Variants in ANTXR1 observed in about 807,000 individuals in gnomAD.
ANTXR1 encodes ANTXR cell adhesion molecule 1.
Under a neutral mutation model 78.1 loss-of-function variants are expected in ANTXR1, and 19 were observed. That is an observed-to-expected ratio of 0.24 (90% CI 0.17 to 0.36). ANTXR1 has a LOEUF of 0.36. Ranked by LOEUF, ANTXR1 falls within the 10% of genes least tolerant of loss-of-function variation. The probability of loss-of-function intolerance (pLI) is 1.00; values close to 1 mark genes in which losing one functional copy is unlikely to be tolerated. For missense variants in ANTXR1, 518 were observed against 718.6 expected (o/e 0.72, Z 3.19); for synonymous variants, 273 against 260.5 (o/e 1.05, Z -0.46).
At chr2:69,105,182 T>G (rs1671764334) in intron 10 of ANTXR1, among the ~76,000 whole-genome samples, 1 of 152,256 alleles carries the variant, frequency 6.6e-6, no homozygotes, top group Non-Finnish European at 1.5e-5. Context: ...AAATTTTATT[T>G]CTTTCTTGGG....
intron 17 of ANTXR1, among the ~76,000 whole-genome samples, chr2:69,234,245 C>G (rs1005240705): frequency 1.3e-5 from 2 of 152,124 alleles, no homozygotes; most frequent in African/African-American, 4.8e-5. Flanking sequence ...AGAAGTGGAA[C>G]AGAGATCTGA....
At chr2:69,103,188 G>A (rs952545835) in intron 10 of ANTXR1, 4 of 520,268 alleles carry the variant, frequency 7.7e-6, no homozygotes, top group East Asian at 3.7e-5. Flanking sequence ...TTGAGTCCCC[G>A]TCCTCCACAA....
At chr2:69,064,400 T>C (rs1670333508) in intron 3 of ANTXR1, among the ~76,000 whole-genome samples, 2 of 152,164 alleles carry the variant, frequency 1.3e-5, no homozygotes. Flanking sequence ...GCTGCAACAG[T>C]CCAACAAAAC....
intron 17 of ANTXR1, among the ~76,000 whole-genome samples, chr2:69,209,849 T>A (rs12998190): frequency 4.6e-5 from 7 of 152,220 alleles, no homozygotes; most frequent in Non-Finnish European, 1.5e-5. Flanking sequence ...TGGATTTTAC[T>A]CTGGATGTAA....
chr2:69,111,617 C>A (rs72899304), intron 10 of ANTXR1, among the ~76,000 whole-genome samples: 49 of 152,308 alleles, frequency 3.2e-4, no homozygotes, highest in African/African-American at 1.1e-3. Flanking sequence ...ATTCACCAGG[C>A]ATGGCTCTGG....
intron 1 of ANTXR1, among the ~76,000 whole-genome samples, chr2:69,031,929 C>A (rs1397274672): frequency 3.3e-5 from 5 of 152,224 alleles, no homozygotes; most frequent in African/African-American, 9.6e-5. Flanking sequence ...ATGTCTCCGA[C>A]TGACCAGGGT....
intron 17 of ANTXR1, among the ~76,000 whole-genome samples, chr2:69,227,514 T>C (rs572937619): frequency 6.6e-6 from 1 of 152,238 alleles, no homozygotes; most frequent in Non-Finnish European, 1.5e-5. Flanking sequence ...GGTTCCTTTC[T>C]TGAATTATAT....
chr2:69,081,444 A>G (rs1402863926), intron 8 of ANTXR1, among the ~76,000 whole-genome samples: 1 of 152,190 alleles, frequency 6.6e-6, no homozygotes, highest in Admixed American at 6.5e-5. Flanking sequence ...AAGAGGAAGT[A>G]CTTATGTGTC....
At chr2:69,055,568 T>C (rs897022922) in intron 3 of ANTXR1, among the ~76,000 whole-genome samples, 4 of 152,122 alleles carry the variant, frequency 2.6e-5, no homozygotes, top group African/African-American at 7.2e-5. Context: ...TAGAAGAAAG[T>C]AAAATTGTAC....
chr2:69,033,520 G>A (rs1288862293), intron 1 of ANTXR1, among the ~76,000 whole-genome samples: 2 of 152,182 alleles, frequency 1.3e-5, no homozygotes, highest in Admixed American at 1.3e-4. Flanking sequence ...TTCTTTGGAA[G>A]AAGCTGGGGA....
At position 69,231,540 on chromosome 2, in the gene ANTXR1, A is replaced by G. The variant is rs142686782; in HGVS notation, c.1435-13685A>G. On this transcript the variant is annotated intron_variant, in intron 17 of 17. Coordinates refer to ENST00000303714, the MANE Select transcript of ANTXR1 (RefSeq NM_032208.3). ...TTGTTTCAGTATTATTCCATAACAA[A>G]CCATCCAAAAACCTAATGACTTAAA... is the stretch of plus-strand genomic sequence containing the variant. Among the ~76,000 whole-genome samples, 40 of 152,328 alleles carry G rather than the reference A, an allele frequency of 2.6e-4. No homozygotes were observed. The East Asian group carries it at 3.9e-3, about 15-fold the overall frequency.
chr2:69,190,269 G>A (rs143368633), intron 16 of ANTXR1, among the ~76,000 whole-genome samples: 166 of 152,342 alleles, frequency 1.1e-3, no homozygotes, highest in African/African-American at 3.8e-3. Context: ...TCGGGATGCC[G>A]TGGGTGGCCT....
At chr2:69,061,696 G>C (rs1211048733) in intron 3 of ANTXR1, among the ~76,000 whole-genome samples, 1 of 152,172 alleles carries the variant, frequency 6.6e-6, no homozygotes, top group Non-Finnish European at 1.5e-5. Context: ...GTCATATAGA[G>C]AGATGTGAAT....
chr2:69,098,982 T>C (rs1412218701), intron 9 of ANTXR1, among the ~76,000 whole-genome samples: 2 of 68,612 alleles, frequency 2.9e-5, no homozygotes, highest in Non-Finnish European at 3.1e-5. Context: ...TGAGACTGCG[T>C]CTAAATAAAT....
At chr2:69,181,736 C>T (rs1485178847) in intron 14 of ANTXR1, 50 bp from the exon 15 acceptor site, 1 of 1,557,372 alleles carries the variant, frequency 6.4e-7, no homozygotes, top group Non-Finnish European at 8.9e-7. Flanking sequence ...TAGGCAGGTC[C>T]ACACAGCAGT....
chr2:69,156,045 G>A (rs779387432), intron 13 of ANTXR1, among the ~76,000 whole-genome samples: 8 of 151,752 alleles, frequency 5.3e-5, no homozygotes, highest in East Asian at 3.8e-4. Flanking sequence ...CTCCCCTCCC[G>A]CTCCCAAGAT....
At chr2:69,065,301 T>G (rs1670365848) in intron 3 of ANTXR1, among the ~76,000 whole-genome samples, 1 of 151,938 alleles carries the variant, frequency 6.6e-6, no homozygotes, top group South Asian at 2.1e-4. Context: ...GGCACGCACC[T>G]GTAGTCCCAG....
At chr2:69,146,660 A>T (rs963638695) in intron 12 of ANTXR1, among the ~76,000 whole-genome samples, 1 of 152,232 alleles carries the variant, frequency 6.6e-6, no homozygotes, top group East Asian at 1.9e-4. Context: ...CCCCCTGCCC[A>T]ATGTGGACTC....
Position 69,248,077 on chromosome 2 carries a change from A to G in ANTXR1, c.*2592A>G, listed in dbSNP as rs968800055. The G allele has an allele frequency of 1.2e-5, 2 of 166,908 alleles. No individual in the cohort carries two copies. Among genetic ancestry groups the G allele is most frequent in the African/African-American group, 4.8e-5 (2 of 41,462 alleles). The allele number at this position is 166,908 out of a possible 1,614,324, so 10.3% of individuals were successfully genotyped here. A position where few individuals can be genotyped will look rare whatever the true frequency, so the allele number is the denominator to read the frequency against. ...TCATAGTGGGCTATTACAGGCAGGA[A>G]AATGTTTTAACTGGTTTACAAAATC... On this transcript the variant is annotated 3_prime_UTR_variant, in exon 18 of 18. Transcript: ENST00000303714.
Sources: gnomAD v4.1 joint callset for allele counts (sites outside exome capture counted in the v4.1 genomes callset) on GRCh38, gnomAD v4.1.1 for gene constraint, MANE v1.5 for transcripts, NCBI Gene and HGNC (gene_info 2026-07-23, HGNC 2026-07-21) for gene names.